Variants in COLGALT2 observed in about 807,000 individuals in gnomAD.
The protein encoded by COLGALT2 is procollagen galactosyltransferase 2.
Under a neutral mutation model 73.4 loss-of-function variants are expected in COLGALT2, and 49 were observed. The observed-to-expected ratio is 0.67, with a 90% CI of 0.53 to 0.85. COLGALT2 has a LOEUF of 0.85. Among genes scored for constraint, COLGALT2 ranks in the 40% least tolerant of loss-of-function variants. COLGALT2 has a pLI of 0.00. For synonymous variants in COLGALT2, 295 were observed against 307.6 expected, an observed-to-expected ratio of 0.96 and a Z score of 0.43; for missense variants, 722 against 790.2, an observed-to-expected ratio of 0.91 and a Z score of 1.03.
rs141580402 is a variant in COLGALT2 at position 184,003,713 on chromosome 1, A to G, written c.264-25193T>C. 4.1e-3 allele frequency among the ~76,000 whole-genome samples: 629 copies of G among 152,312 alleles called. 3 individuals are homozygous for G. The highest frequency in any genetic ancestry group is 0.014 in the African/African-American group (601 of 41,572). On this transcript the variant is annotated intron_variant, in intron 1 of 11. Transcript: ENST00000361927. ...ACAGATAGTATGTTTTTAAAGAGTT[A>G]TTCTTCACTGTTTGCTTTTTCATAC...
At chr1:184,004,329 C>T (rs1357000207) in intron 1 of COLGALT2, among the ~76,000 whole-genome samples, 1 of 152,194 alleles carries the variant, frequency 6.6e-6, no homozygotes, top group Non-Finnish European at 1.5e-5. Flanking sequence ...AAACCCATAA[C>T]TACCCACTTT....
chr1:183,982,818 A>G (rs1671389212), intron 1 of COLGALT2, among the ~76,000 whole-genome samples: 2 of 152,194 alleles, frequency 1.3e-5, no homozygotes, highest in Admixed American at 1.3e-4. Context: ...AAAATAGTCT[A>G]GGTAATTTAT....
intron 1 of COLGALT2, among the ~76,000 whole-genome samples, chr1:184,017,786 C>T (rs1215498435): frequency 2.6e-5 from 4 of 152,150 alleles, no homozygotes; most frequent in Non-Finnish European, 5.9e-5. Flanking sequence ...ACTTCTGGGC[C>T]TGGGCAGGTC....
chr1:183,950,258 T>C (rs1670359889), intron 8 of COLGALT2, among the ~76,000 whole-genome samples: 1 of 152,074 alleles, frequency 6.6e-6, no homozygotes, highest in African/African-American at 2.4e-5. Flanking sequence ...GATGTGAGTG[T>C]CCAGGTCACA....
chr1:183,949,607 A>G (rs1026179726), intron 8 of COLGALT2, among the ~76,000 whole-genome samples: 5 of 152,232 alleles, frequency 3.3e-5, no homozygotes, highest in Admixed American at 1.3e-4. Context: ...TAAATGTAAT[A>G]GATAAAACTG....
chr1:183,976,837 G>A (rs923017232), intron 2 of COLGALT2, among the ~76,000 whole-genome samples: 5 of 152,158 alleles, frequency 3.3e-5, no homozygotes, highest in Non-Finnish European at 7.3e-5. Flanking sequence ...TTGAGACAAA[G>A]GTAGATATTT....
At chr1:183,981,705 C>A (rs1386240973) in intron 1 of COLGALT2, among the ~76,000 whole-genome samples, 1 of 152,078 alleles carries the variant, frequency 6.6e-6, no homozygotes, top group Admixed American at 6.6e-5. Flanking sequence ...TTTCATTAAA[C>A]ATGAAACATT....
At position 183,969,331 on chromosome 1, in the gene COLGALT2, T is replaced by G; in HGVS notation, c.770A>C (p.His257Pro). 2 of 1,613,234 alleles carry G rather than the reference T, an allele frequency of 1.2e-6. No homozygotes were observed. The highest frequency in any genetic ancestry group is 1.7e-6 in the Non-Finnish European group (2 of 1,179,624). ...ASDKLTFYPP[H>P]QDYTWTFDDI... ...ATCAAAGGTCCAGGTGTAGTCCTGGTGTGGGGGGTAGAAAGTCAGCTTGTC... is the reference window on the plus strand; with the variant it reads ...ATCAAAGGTCCAGGTGTAGTCCTGGGGTGGGGGGTAGAAAGTCAGCTTGTC... Residue 257 changes from histidine (H) to proline (P), a missense_variant, in exon 5 of 12, where the codon CAC becomes CCC. Transcript: ENST00000361927.
chr1:183,980,476 TAATAG>T (rs777960656), intron 1 of COLGALT2, among the ~76,000 whole-genome samples: 1 of 152,048 alleles, frequency 6.6e-6, no homozygotes, highest in Non-Finnish European at 1.5e-5. Context: ...AAACTAAATA[TAATAG>T]AAGATTTTCC....
chr1:184,025,417 G>A (rs893533535), intron 1 of COLGALT2, among the ~76,000 whole-genome samples: 2 of 152,230 alleles, frequency 1.3e-5, no homozygotes, highest in Non-Finnish European at 2.9e-5. Flanking sequence ...AGACCAGTAT[G>A]AAATAGGAAA....
downstream of COLGALT2, among the ~76,000 whole-genome samples, chr1:183,934,457 C>A (rs1480985864): frequency 2.0e-5 from 3 of 152,144 alleles, no homozygotes; most frequent in Non-Finnish European, 2.9e-5. Flanking sequence ...AGCCGGTTCC[C>A]CTGAAATAAT....
intron 1 of COLGALT2, 96 bp downstream of exon 1, chr1:184,036,999 C>T: frequency 9.3e-7 from 1 of 1,079,412 alleles, no homozygotes; most frequent in Non-Finnish European, 1.2e-6. Context: ...CCTCCAGCGG[C>T]TCCCTCGCCC....
Position 184,037,209 on chromosome 1 carries a change from A to T in COLGALT2, c.149T>A (p.Leu50Gln). Residue 50 changes from leucine (L) to glutamine (Q), a missense_variant, in exon 1 of 12, where the codon CTG becomes CAG. Coordinates refer to ENST00000361927, the MANE Select transcript of COLGALT2 (RefSeq NM_015101.4). Reference sequence around the variant, plus strand: ...CGCCACGAGCACCGTGGGGCTCTGCAGGGGCGACTCCGGGAAAACCACCGG... The same window carrying T: ...CGCCACGAGCACCGTGGGGCTCTGCTGGGGCGACTCCGGGAAAACCACCGG... ...EEPVVFPESP[L>Q]QSPTVLVAVL... 1 of 1,603,824 alleles carries T rather than the reference A, an allele frequency of 6.2e-7. No individual in the cohort carries two copies. Among genetic ancestry groups the T allele is most frequent in the East Asian group, 2.3e-5 (1 of 44,412 alleles).
intron 1 of COLGALT2, among the ~76,000 whole-genome samples, chr1:184,000,214 T>C (rs1367663258): frequency 6.6e-6 from 1 of 152,182 alleles, no homozygotes; most frequent in African/African-American, 2.4e-5. Context: ...AGTCTCGTTT[T>C]TTGGCCTCTA....
intron 1 of COLGALT2, among the ~76,000 whole-genome samples, chr1:184,004,557 T>C (rs1672018321): frequency 6.6e-6 from 1 of 152,236 alleles, no homozygotes; most frequent in Non-Finnish European, 1.5e-5. Context: ...ACTACTTCTC[T>C]ATAAAAATCA....
At chr1:183,983,177 T>A (rs1359846509) in intron 1 of COLGALT2, among the ~76,000 whole-genome samples, 1 of 152,218 alleles carries the variant, frequency 6.6e-6, no homozygotes, top group Admixed American at 6.5e-5. Context: ...TCTGAGGAAA[T>A]GAACACGTCC....
At chr1:183,965,590 G>A (rs1206498272) in intron 5 of COLGALT2, among the ~76,000 whole-genome samples, 1 of 152,166 alleles carries the variant, frequency 6.6e-6, no homozygotes, top group Admixed American at 6.5e-5. Flanking sequence ...TAAGTCTTAG[G>A]TTGATAGCTT....
chr1:183,952,910 C>T lies in COLGALT2; in HGVS notation c.1030-1797G>A, dbSNP rs112949177. 1.8e-3 allele frequency among the ~76,000 whole-genome samples: 268 copies of T among 152,286 alleles called. 2 individuals are homozygous for T. The highest frequency in any genetic ancestry group is 5.4e-3 in the African/African-American group (224 of 41,562). ...CATACTGTGATGGGTCATGCCTCAT[C>T]CCCTAATTTTCCAGATATGGAAAGG... On this transcript the variant is annotated intron_variant, in intron 7 of 11. Transcript: ENST00000361927.
At chr1:183,963,867 C>T (rs377100143) in intron 6 of COLGALT2, 34 bp downstream of exon 6, 11 of 1,538,658 alleles carry the variant, frequency 7.1e-6, no homozygotes, top group Admixed American at 1.9e-5. Flanking sequence ...GGCAATGGAA[C>T]GAGAGCCATC....
Sources: gnomAD v4.1 joint callset for allele counts (sites outside exome capture counted in the v4.1 genomes callset) on GRCh38, gnomAD v4.1.1 for gene constraint, MANE v1.5 for transcripts, NCBI Gene and HGNC (gene_info 2026-07-23, HGNC 2026-07-21) for gene names.